Variants in RARB observed in about 807,000 individuals in gnomAD.
RARB encodes retinoic acid receptor beta.
A neutral mutation model predicts 51.9 loss-of-function variants in RARB; 17 were observed. The ratio of observed to expected loss-of-function variants is 0.33; its 90% CI spans 0.22 to 0.49. RARB has a LOEUF of 0.49. Ranked by LOEUF, RARB falls within the 20% of genes least tolerant of loss-of-function variation. The pLI is 0.99. For missense variants in RARB, 369 were observed against 550.8 expected (o/e 0.67, Z 3.30); for synonymous variants, 215 against 195.4 (o/e 1.10, Z -0.84).
At position 25,467,589 on chromosome 3, in the gene RARB, T is replaced by C. The variant is rs148647537; in HGVS notation, c.306+6248T>C. ...CCTCTGCTTGTATCACATTTGCTAA[T>C]ATCCCCTTGGCCAAACAAATTGCGT... On this transcript the variant is annotated intron_variant, in intron 2 of 7. Coordinates refer to ENST00000330688, the MANE Select transcript of RARB (RefSeq NM_000965.5). Among the ~76,000 whole-genome samples the C allele has an allele frequency of 7.2e-5, 11 of 152,302 alleles. No homozygotes were observed. In the East Asian group the frequency reaches 2.1e-3, roughly 29 times the overall value.
intron 2 of RARB, among the ~76,000 whole-genome samples, chr3:24,899,037 C>G (rs539601408): frequency 3.3e-5 from 5 of 152,324 alleles, no homozygotes; most frequent in Non-Finnish European, 7.3e-5. Flanking sequence ...CGCAGACCAG[C>G]AGCAGTAGCA....
intron 3 of RARB, among the ~76,000 whole-genome samples, chr3:25,534,045 T>C (rs1699034629): frequency 6.6e-6 from 1 of 152,222 alleles, no homozygotes; most frequent in Non-Finnish European, 1.5e-5. Flanking sequence ...TATGTGCCAG[T>C]TGAAGAAATG....
chr3:25,444,729 A>G (rs1708852821), intron 1 of RARB, among the ~76,000 whole-genome samples: 1 of 152,212 alleles, frequency 6.6e-6, no homozygotes, highest in Non-Finnish European at 1.5e-5. Flanking sequence ...CAACAGCACT[A>G]TAAGCAAACA....
In RARB at chr3:25,389,010, C is replaced by T. The variant is rs150788684; in HGVS notation, c.179-72183C>T. 6.6e-5 allele frequency among the ~76,000 whole-genome samples: 10 copies of T among 152,100 alleles called. No individual in the cohort carries two copies. The East Asian group carries it at 1.4e-3, about 21-fold the overall frequency. On this transcript the variant is annotated intron_variant, in intron 5 of 11. Coordinates refer to the RARB transcript ENST00000383772. ...ACAATAGAGGACAGAAACATAATGC[C>T]GGTTGCAAGAAAGAAGGAAAAGGAA...
rs76434773 is a variant in RARB, at chr3:25,591,417, G to T, written c.787-2086G>T. ...CCCAGTAAGGCCGATATCGAAATCAGTACTGGGCTAAAGATTATCTAACCT... is the reference window on the plus strand; with the variant it reads ...CCCAGTAAGGCCGATATCGAAATCATTACTGGGCTAAAGATTATCTAACCT... On this transcript the variant is annotated intron_variant, in intron 5 of 7. Transcript: ENST00000330688. Among the ~76,000 whole-genome samples, 622 of 152,330 alleles carry T rather than the reference G, an allele frequency of 4.1e-3. 8 individuals carry two copies. Among genetic ancestry groups the T allele is most frequent in the African/African-American group, 0.014 (592 of 41,572 alleles).
At chr3:25,416,755 A>G (rs1707715422) in intron 5 of RARB, among the ~76,000 whole-genome samples, 1 of 152,182 alleles carries the variant, frequency 6.6e-6, no homozygotes, top group Non-Finnish European at 1.5e-5. Context: ...CAACCCCTGG[A>G]CTTGAGTATG....
At chr3:24,884,676 G>A (rs1201035971) in intron 2 of RARB, among the ~76,000 whole-genome samples, 3 of 151,972 alleles carry the variant, frequency 2.0e-5, no homozygotes, top group Non-Finnish European at 2.9e-5. Context: ...GCTCTTTGAC[G>A]TTATTGAGAT....
At chr3:24,959,469 C>T (rs1167073262) in intron 2 of RARB, among the ~76,000 whole-genome samples, 1 of 152,182 alleles carries the variant, frequency 6.6e-6, no homozygotes, top group African/African-American at 2.4e-5. Context: ...CTTCTCTGCT[C>T]TCTGCCAGTG....
chr3:25,288,174 G>A (rs1194759387), intron 5 of RARB, among the ~76,000 whole-genome samples: 2 of 152,132 alleles, frequency 1.3e-5, no homozygotes, highest in East Asian at 3.9e-4. Context: ...ATTGTCCAGG[G>A]TAGGTTATAG....
At chr3:24,920,693 T>C (rs557427634) in intron 2 of RARB, among the ~76,000 whole-genome samples, 1 of 152,296 alleles carries the variant, frequency 6.6e-6, no homozygotes, top group Admixed American at 6.5e-5. Context: ...GAGTTCCATT[T>C]CTGGTTATGC....
chr3:25,387,272 T>C (rs746355853), intron 5 of RARB, among the ~76,000 whole-genome samples: 1 of 152,072 alleles, frequency 6.6e-6, no homozygotes, highest in Non-Finnish European at 1.5e-5. Context: ...ACTGGCTTTG[T>C]TTGGGAGAAT....
chr3:25,204,869 G>T (rs1701495544), intron 5 of RARB, among the ~76,000 whole-genome samples: 1 of 152,104 alleles, frequency 6.6e-6, no homozygotes, highest in Non-Finnish European at 1.5e-5. Context: ...CTACTCGGGG[G>T]TCAGGGACCC....
Position 25,169,190 on chromosome 3 carries a change from C to G in RARB, c.-279-4929C>G, listed in dbSNP as rs573477653. 1.2e-4 allele frequency among the ~76,000 whole-genome samples: 19 copies of G among 152,212 alleles called. 2 individuals are homozygous for G. In the South Asian group the frequency reaches 3.9e-3, roughly 32 times the overall value. ...CTCCCACATAACATCCTTCAGAAAA[C>G]TCTTAGGAAAAAAGCTACCCAACTG... On this transcript the variant is annotated intron_variant, in intron 4 of 11. Transcript: ENST00000383772.
chr3:25,407,263 A>G (rs772263893), intron 5 of RARB, among the ~76,000 whole-genome samples: 62 of 152,236 alleles, frequency 4.1e-4, no homozygotes, highest in Non-Finnish European at 7.9e-4. Context: ...CGGGGGTACT[A>G]GGCAGCATGG....
At position 24,975,963 on chromosome 3, in the gene RARB, C is replaced by G. The variant is rs192602072; in HGVS notation, c.-379-84162C>G. Reference sequence around the variant, plus strand: ...GGCCCCAGTGTGGGGTATTCCCCTCCCTGTGTCCATATTTTCTCATTGTTC... The same window carrying G: ...GGCCCCAGTGTGGGGTATTCCCCTCGCTGTGTCCATATTTTCTCATTGTTC... On this transcript the variant is annotated intron_variant, in intron 2 of 11. Coordinates refer to the RARB transcript ENST00000383772. 3.9e-4 allele frequency among the ~76,000 whole-genome samples: 59 copies of G among 152,274 alleles called. No homozygotes were observed. In the East Asian group the frequency reaches 7.7e-3, roughly 20 times the overall value.
chr3:25,465,847 A>G (rs1044946611), intron 2 of RARB, among the ~76,000 whole-genome samples: 17 of 152,306 alleles, frequency 1.1e-4, no homozygotes, highest in Middle Eastern at 3.4e-3. Context: ...ATAATAGGAC[A>G]AAATAAAATA....
At chr3:25,548,299 T>C (rs1194792345) in intron 3 of RARB, among the ~76,000 whole-genome samples, 2 of 152,188 alleles carry the variant, frequency 1.3e-5, no homozygotes, top group African/African-American at 4.8e-5. Flanking sequence ...TTTATTACAC[T>C]CAAATGGATA....
chr3:25,491,802 G>A (rs190880867), intron 2 of RARB, among the ~76,000 whole-genome samples: 16 of 152,136 alleles, frequency 1.1e-4, no homozygotes, highest in African/African-American at 3.6e-4. Context: ...TTAGCCAGGT[G>A]TGGTGGCAGG....
At chr3:25,241,166 T>C (rs190280524) in intron 5 of RARB, among the ~76,000 whole-genome samples, 2 of 152,314 alleles carry the variant, frequency 1.3e-5, no homozygotes, top group East Asian at 3.9e-4. Context: ...GTGGTATCAG[T>C]TGTAATATAA....
Sources: allele counts gnomAD v4.1 joint callset (sites outside exome capture counted in the v4.1 genomes callset), GRCh38; gene constraint gnomAD v4.1.1; transcripts MANE v1.5; gene names NCBI Gene and HGNC (gene_info 2026-07-23, HGNC 2026-07-21).